The following ARHGAP6 variants were observed in gnomAD, a reference collection of about 807,000 sequenced individuals.
ARHGAP6 encodes Rho GTPase activating protein 6, also known as rho GTPase-activating protein 6.
A neutral mutation model predicts 55.7 loss-of-function variants in ARHGAP6; 16 were observed. The observed-to-expected ratio is 0.29, with a 90% CI of 0.19 to 0.44. The LOEUF (loss-of-function observed/expected upper bound fraction) is 0.44. Ranked by LOEUF, ARHGAP6 falls within the 20% of genes least tolerant of loss-of-function variation. The pLI is 1.00. For synonymous variants in ARHGAP6, 382 were observed against 360.9 expected, an observed-to-expected ratio of 1.06 and a Z score of -0.66; for missense variants, 698 against 808.9, an observed-to-expected ratio of 0.86 and a Z score of 1.66.
At position 11,189,963 on chromosome X, in the gene ARHGAP6, A is replaced by C. The variant is rs1445838625; in HGVS notation, c.821-979T>G. Among the ~76,000 whole-genome samples the C allele has an allele frequency of 4.4e-5, 5 of 112,394 alleles. No homozygotes were observed. The Admixed American group carries it at 4.7e-4, about 11-fold the overall frequency. On this transcript the variant is annotated intron_variant, in intron 3 of 12. Coordinates refer to ENST00000337414, the MANE Select transcript of ARHGAP6 (RefSeq NM_013427.3). ...GGTCTCCTAGCAGCAGTAAGTTGGAATCTAACCTCTCCATTGTTTTTATAA... is the reference window on the plus strand; with the variant it reads ...GGTCTCCTAGCAGCAGTAAGTTGGACTCTAACCTCTCCATTGTTTTTATAA...
intron 1 of ARHGAP6, among the ~76,000 whole-genome samples, chrX:11,379,444 A>G (rs2049238493): frequency 8.9e-6 from 1 of 112,187 alleles, no homozygotes; most frequent in African/African-American, 3.2e-5. Context: ...TGTATTTGGC[A>G]TAGGAAAAGA....
rs775683011 is a variant in ARHGAP6, at chrX:11,534,648, A to C, written c.588+129593T>G. ...TAGCGAACAGCCCTGTCCAACAGAA[A>C]TACAATGTGAACCACAAATGAGAGC... On this transcript the variant is annotated intron_variant, in intron 1 of 12. Transcript: ENST00000337414. Among the ~76,000 whole-genome samples the C allele has an allele frequency of 5.4e-5, 6 of 110,655 alleles. No individual in the cohort carries two copies. The South Asian group carries it at 2.4e-3, about 44-fold the overall frequency.
chrX:11,201,989 C>CTGTGTGTGTGTGTGTGTG lies in ARHGAP6; in HGVS notation c.749-5011_749-4994dup, dbSNP rs56023548. On this transcript the variant is annotated intron_variant, in intron 2 of 12. Transcript: ENST00000337414. ...CTGTGTGCAAACTGAGCATCTGGAT[C>CTGTGTGTGTGTGTGTGTG]TGTGTGTGTGTGTGTGTGTGTGTGT... Among the ~76,000 whole-genome samples, 201 of 65,533 alleles carry CTGTGTGTGTGTGTGTGTG rather than the reference C, an allele frequency of 3.1e-3. 12 individuals are homozygous for CTGTGTGTGTGTGTGTGTG. Among genetic ancestry groups the CTGTGTGTGTGTGTGTGTG allele is most frequent in the Middle Eastern group, 8.8e-3 (1 of 113 alleles). 56.9% of individuals were successfully genotyped at this position (65,533 alleles called of 115,157 possible).
chrX:11,528,916 C>T lies in ARHGAP6; in HGVS notation c.588+135325G>A, dbSNP rs112209430. 2.7e-5 allele frequency among the ~76,000 whole-genome samples: 3 copies of T among 111,839 alleles called. No individual in the cohort carries two copies. The East Asian group carries it at 8.4e-4, about 31-fold the overall frequency. Reference sequence around the variant, plus strand: ...TTATATTACCAAAACATTACTAAAACCAACCCAGAAATAAAAGAAAATGGA... The same window carrying T: ...TTATATTACCAAAACATTACTAAAATCAACCCAGAAATAAAAGAAAATGGA... On this transcript the variant is annotated intron_variant, in intron 1 of 12. Coordinates refer to ENST00000337414, the MANE Select transcript of ARHGAP6 (RefSeq NM_013427.3).
At chrX:11,208,361 G>A (rs768002914) in intron 2 of ARHGAP6, among the ~76,000 whole-genome samples, 9 of 111,658 alleles carry the variant, frequency 8.1e-5, no homozygotes, top group Non-Finnish European at 1.1e-4. Context: ...AGCCCGGGTT[G>A]TTGAAGAGGA....
At chrX:11,249,893 A>T (rs765435943) in intron 2 of ARHGAP6, among the ~76,000 whole-genome samples, 1 of 111,371 alleles carries the variant, frequency 9.0e-6, no homozygotes, top group East Asian at 2.8e-4. Context: ...AAAAAAATAT[A>T]TATCTACCTA....
intron 1 of ARHGAP6, among the ~76,000 whole-genome samples, chrX:11,436,615 G>C (rs2049989371): frequency 8.9e-6 from 1 of 111,763 alleles, no homozygotes; most frequent in South Asian, 3.8e-4. Context: ...ATTCATAATG[G>C]CCAAAAGGTA....
intron 1 of ARHGAP6, among the ~76,000 whole-genome samples, chrX:11,567,397 A>C (rs2051454701): frequency 9.2e-6 from 1 of 108,114 alleles, no homozygotes; most frequent in Admixed American, 9.9e-5. Context: ...CTAAAAATAC[A>C]AAAAATATTA....
intron 1 of ARHGAP6, among the ~76,000 whole-genome samples, chrX:11,291,493 T>C (rs1268140155): frequency 9.0e-6 from 1 of 111,387 alleles, no homozygotes; most frequent in Non-Finnish European, 1.9e-5. Context: ...AATTCATCAT[T>C]GACTTCATTA....
At chrX:11,344,297 C>T (rs913471991) in intron 1 of ARHGAP6, among the ~76,000 whole-genome samples, 10 of 111,452 alleles carry the variant, frequency 9.0e-5, no homozygotes, top group South Asian at 3.8e-4. Context: ...TGTCCCCTTG[C>T]GGGGGCAAAT....
At chrX:11,321,897 T>C (rs1370342213) in intron 1 of ARHGAP6, among the ~76,000 whole-genome samples, 1 of 112,231 alleles carries the variant, frequency 8.9e-6, no homozygotes, top group African/African-American at 3.2e-5. Flanking sequence ...ATATTACAGC[T>C]GCCAGTTTCC....
chrX:11,561,862 G>A (rs200824013), intron 1 of ARHGAP6, among the ~76,000 whole-genome samples: 2 of 112,128 alleles, frequency 1.8e-5, no homozygotes, highest in East Asian at 5.6e-4. Context: ...GAACACCAAG[G>A]ATGCAACATC....
At position 11,254,612 on chromosome X, in the gene ARHGAP6, C is replaced by G. The variant is rs2147485476; in HGVS notation, c.684G>C (p.Gln228His). The change falls in exon 2 of 13, where the codon CAG becomes CAC. Residue 228 changes from glutamine to histidine, a missense_variant. Physicochemically the swap from Gln to His is conservative, Grantham distance 24. Around this residue, in one of 3 missense-constraint regions of ARHGAP6, gnomAD observed 322 missense variants for 451.1 expected, o/e 0.71. Coordinates refer to ENST00000337414, the MANE Select transcript of ARHGAP6 (RefSeq NM_013427.3). ...GTTGCAACTGATAAAAAGCCACTTC[C>G]TGCAGCCGGGCCCTCTCCAGCTCTG... ...SLSELERARL[Q>H]EVAFYQLQQD... 1 of 1,209,983 alleles carries G rather than the reference C, an allele frequency of 8.3e-7. No individual in the cohort carries two copies. Among genetic ancestry groups the G allele is most frequent in the East Asian group, 3.0e-5 (1 of 33,779 alleles).
At chrX:11,217,435 T>C (rs1326319154) in intron 2 of ARHGAP6, among the ~76,000 whole-genome samples, 1 of 112,410 alleles carries the variant, frequency 8.9e-6, no homozygotes, top group Non-Finnish European at 1.9e-5. Flanking sequence ...TATCTCATTG[T>C]GGTTTTGATT....
chrX:11,214,900 C>T (rs1476203192), intron 2 of ARHGAP6, among the ~76,000 whole-genome samples: 1 of 113,295 alleles, frequency 8.8e-6, no homozygotes, highest in East Asian at 2.8e-4. Flanking sequence ...GCGGGGAAAG[C>T]CGGCATGAGG....
chrX:11,461,884 G>T (rs2050249062), intron 1 of ARHGAP6, among the ~76,000 whole-genome samples: 1 of 111,622 alleles, frequency 9.0e-6, no homozygotes, highest in African/African-American at 3.3e-5. Flanking sequence ...AAGCATATCA[G>T]ATCTGACCAG....
At chrX:11,261,251 C>T (rs778472767) in intron 1 of ARHGAP6, among the ~76,000 whole-genome samples, 15 of 111,336 alleles carry the variant, frequency 1.3e-4, no homozygotes, top group South Asian at 3.8e-4. Flanking sequence ...ATAGGTGACG[C>T]GGGGAAGAGT....
intron 1 of ARHGAP6, among the ~76,000 whole-genome samples, chrX:11,426,963 G>T (rs1200331156): frequency 2.7e-5 from 3 of 109,948 alleles, no homozygotes; most frequent in Admixed American, 9.7e-5. Context: ...GAGGGGGAAG[G>T]TACGACAGAA....
rs200264647 is a variant in ARHGAP6, at chrX:11,589,044, A to ATT, written c.588+75195_588+75196dup. Among the ~76,000 whole-genome samples, 258 of 96,539 alleles carry ATT rather than the reference A, an allele frequency of 2.7e-3. 1 individual carries two copies. The highest frequency in any genetic ancestry group is 7.0e-3 in the African/African-American group (181 of 25,953). 83.8% of individuals were successfully genotyped at this position (96,539 alleles called of 115,157 possible). On this transcript the variant is annotated intron_variant, in intron 1 of 12. Transcript: ENST00000337414. ...ATATACATTTGACTGCTGCATTGGAATTTTTTTTTTTTTTTTGAGACGAGT... is the reference window on the plus strand; with the variant it reads ...ATATACATTTGACTGCTGCATTGGAATTTTTTTTTTTTTTTTTTGAGACGAGT...
Sources: gnomAD v4.1 joint callset for allele counts (sites outside exome capture counted in the v4.1 genomes callset) on GRCh38, gnomAD v4.1.1 for gene constraint, gnomAD v4.1.1 regional missense constraint, MANE v1.5 for transcripts, NCBI Gene and HGNC (gene_info 2026-07-23, HGNC 2026-07-21) for gene names.